ADHFE1: variants seen among roughly 807,000 people sequenced by gnomAD.
ADHFE1 encodes the protein hydroxyacid-oxoacid transhydrogenase, mitochondrial.
A neutral mutation model predicts 54.8 loss-of-function variants in ADHFE1; 37 were observed. The observed-to-expected ratio is 0.68, with a 90% confidence interval of 0.52 to 0.89. ADHFE1 has a LOEUF of 0.89. Among genes scored for constraint, ADHFE1 ranks in the 40% least tolerant of loss-of-function variants. The pLI, the probability that ADHFE1 is intolerant of heterozygous loss-of-function variation, is 0.00. For synonymous variants in ADHFE1, 203 were observed against 229.3 expected, an observed-to-expected ratio of 0.89 and a Z score of 1.04; for missense variants, 601 against 591.2, an observed-to-expected ratio of 1.02 and a Z score of -0.17.
At chr8:66,437,414 C>T (rs1805521474) in intron 1 of ADHFE1, among the ~76,000 whole-genome samples, 2 of 151,976 alleles carry the variant, frequency 1.3e-5, no homozygotes, top group Non-Finnish European at 2.9e-5. Context: ...ATAAGGGGGC[C>T]AGAGCCAGGA....
intron 12 of ADHFE1, among the ~76,000 whole-genome samples, chr8:66,459,729 C>T (rs1307526679): frequency 6.6e-6 from 1 of 152,164 alleles, no homozygotes; most frequent in Non-Finnish European, 1.5e-5. Flanking sequence ...CCTTTGGCAA[C>T]AGAATCTAAA....
At chr8:66,444,464 A>G in intron 4 of ADHFE1, 44 bp downstream of exon 4, 2 of 1,610,164 alleles carry the variant, frequency 1.2e-6, no homozygotes, top group South Asian at 1.1e-5. Flanking sequence ...TAAATGTTAC[A>G]TATCTCACAA....
At chr8:66,432,761 C>A in intron 1 of ADHFE1, 186 bp downstream of exon 1, 1 of 1,230,454 alleles carries the variant, frequency 8.1e-7, no homozygotes, top group Non-Finnish European at 1.0e-6. Context: ...CGCGATGCAG[C>A]CTCTCAGGGC....
At chr8:66,457,920 A>G (rs948208210) in intron 12 of ADHFE1, among the ~76,000 whole-genome samples, 6 of 152,218 alleles carry the variant, frequency 3.9e-5, no homozygotes, top group African/African-American at 7.2e-5. Flanking sequence ...ATAGAGAATC[A>G]AAACAACTGG....
chr8:66,451,900 G>A lies in ADHFE1; in HGVS notation c.735-53G>A, dbSNP rs568847840. 2.0e-5 allele frequency: 32 copies of A among 1,590,346 alleles called. No individual in the cohort carries two copies. In the South Asian group the frequency reaches 3.2e-4, roughly 16 times the overall value. ...AAGACAGGTTGTGATCTAAATGGAG[G>A]GAAGGAGGAAGATGACGCTTTCCAT... is the stretch of plus-strand genomic sequence containing the variant. On this transcript the variant is annotated intron_variant, in intron 8 of 13. Coordinates refer to ENST00000396623, the MANE Select transcript of ADHFE1 (RefSeq NM_144650.3).
chr8:66,442,712 T>G (rs756481998), intron 2 of ADHFE1, 86 bp from the exon 3 acceptor site: 155 of 1,187,134 alleles, frequency 1.3e-4, no homozygotes, highest in Non-Finnish European at 1.8e-4. Flanking sequence ...AAGGAAATAC[T>G]TATGTTCACT....
chr8:66,440,190 T>TA lies in ADHFE1; in HGVS notation c.89dup (p.Tyr30Ter), dbSNP rs1305203328. The change falls in exon 2 of 14, where the codon TAC becomes TAAC. Residue 30 changes from tyrosine to a stop codon, truncating the protein, a stop_gained and frameshift_variant. Transcript: ENST00000396623. LOFTEE classifies it high-confidence loss of function. The part of the protein sequence containing the change: ...ACQCPTHSHT[Y>*]SQAPGLSPSG... ...CCAGTGCCCAACTCATTCTCATACT[T>TA]ACTCCCAAGGTAATACTTCTGTATT... The TA allele has an allele frequency of 1.4e-5, 22 of 1,612,258 alleles. No individual in the cohort carries two copies. Among genetic ancestry groups the TA allele is most frequent in the Non-Finnish European group, 1.9e-5 (22 of 1,179,480 alleles).
rs560515983 is a variant in ADHFE1, at chr8:66,456,755, T to G, written c.987-62T>G. The G allele has an allele frequency of 2.0e-4, 257 of 1,284,932 alleles. No homozygotes were observed. In the African/African-American group the frequency reaches 3.2e-3, roughly 16 times the overall value. 79.6% of individuals were successfully genotyped at this position (1,284,932 alleles called of 1,614,324 possible). A position where few individuals can be genotyped will look rare whatever the true frequency, so the allele number is the denominator to read the frequency against. ...ACAGGCATCCCCATAAGAGTATCTT[T>G]CTATTGTTGACTTGAATTTTGATAA... On this transcript the variant is annotated intron_variant, in intron 10 of 13. Transcript: ENST00000396623.
At chr8:66,455,805 C>A (rs1452178691) in intron 10 of ADHFE1, among the ~76,000 whole-genome samples, 1 of 152,098 alleles carries the variant, frequency 6.6e-6, no homozygotes, top group Non-Finnish European at 1.5e-5. Flanking sequence ...TGCCTGTAGT[C>A]CCAGCTACTC....
chr8:66,455,964 A>C (rs369049947), intron 10 of ADHFE1, among the ~76,000 whole-genome samples: 48 of 152,174 alleles, frequency 3.2e-4, no homozygotes, highest in African/African-American at 1.1e-3. Context: ...ACAACAACAA[A>C]AAAAACTATA....
intron 12 of ADHFE1, 66 bp from the exon 13 acceptor site, chr8:66,460,242 T>C: frequency 6.3e-7 from 1 of 1,589,854 alleles, no homozygotes; most frequent in Non-Finnish European, 8.6e-7. Context: ...ACTGATCTTG[T>C]GACTGAACTC....
intron 7 of ADHFE1, 84 bp from the exon 8 acceptor site, chr8:66,448,781 G>C (rs1269175218): frequency 4.3e-6 from 5 of 1,172,002 alleles, no homozygotes; most frequent in Non-Finnish European, 6.2e-6. Context: ...TTTATTTTTA[G>C]GGTGATTTAT....
At chr8:66,445,100 C>CA (rs143198813) in intron 5 of ADHFE1, 118 bp from the exon 6 acceptor site, 36,331 of 785,820 alleles carry the variant, frequency 0.046, 3 homozygotes, top group South Asian at 0.059. Context: ...GACTCCGTCT[C>CA]AAAAAAAAAA....
chr8:66,444,220 T>G, intron 3 of ADHFE1, 147 bp from the exon 4 acceptor site: 10 of 679,252 alleles, frequency 1.5e-5, no homozygotes, highest in Non-Finnish European at 2.3e-5. Context: ...CTTCTTTAAG[T>G]GAGACCAGGT....
At chr8:66,457,369 T>C (rs111585708) in intron 12 of ADHFE1, among the ~76,000 whole-genome samples, 2,618 of 150,356 alleles carry the variant, frequency 0.017, 74 homozygotes, top group African/African-American at 0.06. Context: ...TCCCAGCTAC[T>C]TGGGAGGCTG....
chr8:66,451,958 C>G lies in ADHFE1; in HGVS notation c.740C>G (p.Ala247Gly). 1 of 1,613,864 alleles carries G rather than the reference C, an allele frequency of 6.2e-7. No individual in the cohort carries two copies. Among genetic ancestry groups the G allele is most frequent in the Non-Finnish European group, 8.5e-7 (1 of 1,179,918 alleles). ...ANSGFDVLCH[A>G]LESYTTLPYH... ...CTTTCAATATTTCTTTTTAGCCATG[C>G]CCTGGAGTCATACACCACCCTGCCC... Residue 247 changes from alanine to glycine, a missense_variant, in exon 9 of 14, where the codon GCC becomes GGC. Coordinates refer to ENST00000396623, the MANE Select transcript of ADHFE1 (RefSeq NM_144650.3).
At chr8:66,447,184 C>T (rs1806077059) in intron 6 of ADHFE1, 80 bp from the exon 7 acceptor site, 3 of 1,233,678 alleles carry the variant, frequency 2.4e-6, no homozygotes, top group South Asian at 1.5e-5. Flanking sequence ...AATTTTGTTC[C>T]TCAGTCCTAA....
rs986399742 is a variant in ADHFE1, at chr8:66,444,813, GC to G, written c.353+70del. The G allele has an allele frequency of 1.6e-4, 247 of 1,593,270 alleles. 1 individual carries two copies. In the African/African-American group the frequency reaches 2.1e-3, roughly 14 times the overall value. ...AGAAGCTAACTGTTGATTAAAACTTGCCCCCAACCAGGCGTGGTGGCTCACG... is the reference window on the plus strand; with the variant it reads ...AGAAGCTAACTGTTGATTAAAACTTGCCCCAACCAGGCGTGGTGGCTCACG... On this transcript the variant is annotated intron_variant, in intron 5 of 13. Transcript: ENST00000396623.
At position 66,439,805 on chromosome 8, in the gene ADHFE1, C is replaced by A; in HGVS notation, c.60-357C>A. The A allele has an allele frequency of 9.3e-7, 1 of 1,075,696 alleles. No homozygotes were observed. The highest frequency in any genetic ancestry group is 1.1e-6 in the Non-Finnish European group (1 of 884,552). 66.6% of individuals were successfully genotyped at this position (1,075,696 alleles called of 1,614,324 possible). On this transcript the variant is annotated intron_variant, in intron 1 of 13. Coordinates refer to ENST00000396623, the MANE Select transcript of ADHFE1 (RefSeq NM_144650.3). The surrounding 1 kb of genome is among the most constrained non-coding windows in gnomAD (Gnocchi z 4.4). ...GTTAACCTTGGGCCGATTTGGTCAA[C>A]GCTCCTAACCCAGTAAGAGCTGGGG...
Sources: gnomAD v4.1 joint callset for allele counts (sites outside exome capture counted in the v4.1 genomes callset) on GRCh38, gnomAD v4.1.1 for gene constraint, Gnocchi (gnomAD v3.1) non-coding constraint, MANE v1.5 for transcripts, NCBI Gene and HGNC (gene_info 2026-07-23, HGNC 2026-07-21) for gene names.